Variants in C1orf198 observed in about 807,000 individuals in gnomAD.
C1orf198 encodes chromosome 1 open reading frame 198.
Under a neutral mutation model 31.4 loss-of-function variants are expected in C1orf198, and 17 were observed. That is an observed-to-expected ratio of 0.54 (90% CI 0.37 to 0.81). C1orf198 has a LOEUF of 0.81. Among genes scored for constraint, C1orf198 ranks in the 40% least tolerant of loss-of-function variants. The pLI, the probability that C1orf198 is intolerant of heterozygous loss-of-function variation, is 0.00. For synonymous variants in C1orf198, 175 were observed against 193.8 expected (o/e 0.90, Z 0.81); for missense variants, 401 against 450.3 (o/e 0.89, Z 0.99).
At chr1:230,867,225 G>A (rs1431179620) in intron 1 of C1orf198, among the ~76,000 whole-genome samples, 1 of 152,152 alleles carries the variant, frequency 6.6e-6, no homozygotes, top group African/African-American at 2.4e-5. Context: ...AGTTTGAAAC[G>A]CCAAAGAGTC....
chr1:230,844,821 A>G (rs979348273), intron 2 of C1orf198, among the ~76,000 whole-genome samples: 1 of 152,226 alleles, frequency 6.6e-6, no homozygotes, highest in Non-Finnish European at 1.5e-5. Flanking sequence ...CCCACATCTG[A>G]GCACCCACAA....
Position 230,843,415 on chromosome 1 carries a change from G to A in C1orf198, c.866C>T (p.Ser289Phe). The part of the protein sequence containing the change: ...APSQLEGKLP[S>F]PDVRQDDGED... ...CCCATCGTCCTGCCTGACATCAGGA[G>A]ATGGCAGCTTCCCCTCGAGCTGGGA... The change falls in exon 3 of 4, where the codon TCT becomes TTT. Residue 289 changes from serine (S) to phenylalanine (F), a missense_variant. Coordinates refer to ENST00000366663, the MANE Select transcript of C1orf198 (RefSeq NM_032800.3). This position sits in a 1 kb window ranked among gnomAD's most constrained non-coding sequence, Gnocchi z 4.9. 6.3e-7 allele frequency: 1 copy of A among 1,576,288 alleles called. No homozygotes were observed. Among genetic ancestry groups the A allele is most frequent in the Non-Finnish European group, 8.6e-7 (1 of 1,160,556 alleles).
At chr1:230,851,712 C>T (rs1669750249) in intron 2 of C1orf198, among the ~76,000 whole-genome samples, 1 of 152,218 alleles carries the variant, frequency 6.6e-6, no homozygotes, top group African/African-American at 2.4e-5. Flanking sequence ...GTAACAGAGG[C>T]ACCACAGCCA....
intron 2 of C1orf198, among the ~76,000 whole-genome samples, chr1:230,852,903 C>G (rs1669780554): frequency 6.6e-6 from 1 of 152,172 alleles, no homozygotes; most frequent in Non-Finnish European, 1.5e-5. Context: ...ATTTGACCAG[C>G]AGAACAGAGC....
chr1:230,841,898 T>C (rs1669453002), intron 3 of C1orf198, among the ~76,000 whole-genome samples: 1 of 152,176 alleles, frequency 6.6e-6, no homozygotes, highest in Admixed American at 6.6e-5. Context: ...CAAGTGTCTG[T>C]CGATGGATGA....
At chr1:230,862,081 C>T (rs1026992933) in intron 1 of C1orf198, among the ~76,000 whole-genome samples, 1 of 152,206 alleles carries the variant, frequency 6.6e-6, no homozygotes, top group Admixed American at 6.5e-5. Context: ...TGCCAGGTGG[C>T]CTGGCCATCT....
At chr1:230,865,376 C>T (rs1206386407) in intron 1 of C1orf198, among the ~76,000 whole-genome samples, 1 of 152,198 alleles carries the variant, frequency 6.6e-6, no homozygotes, top group Non-Finnish European at 1.5e-5. Context: ...GCTATACTTC[C>T]ATGCTTTTTT....
Position 230,843,921 on chromosome 1 carries a change from A to C in C1orf198, c.385-25T>G. On this transcript the variant is annotated intron_variant, in intron 2 of 3. Transcript: ENST00000366663. The surrounding 1 kb of genome is among the most constrained non-coding windows in gnomAD (Gnocchi z 4.9). ...TCTAGGGTGGGACATGAGAAAGGACAGAAAAAAGAAAGAGATCCTGAGAAT... is the reference window on the plus strand; with the variant it reads ...TCTAGGGTGGGACATGAGAAAGGACCGAAAAAAGAAAGAGATCCTGAGAAT... The C allele has an allele frequency of 6.7e-7, 1 of 1,496,044 alleles. No homozygotes were observed. Among genetic ancestry groups the C allele is most frequent in the East Asian group, 2.3e-5 (1 of 43,746 alleles). 92.7% of individuals were successfully genotyped at this position (1,496,044 alleles called of 1,614,324 possible).
At chr1:230,863,931 G>C (rs1209974188) in intron 1 of C1orf198, among the ~76,000 whole-genome samples, 3 of 152,092 alleles carry the variant, frequency 2.0e-5, no homozygotes, top group Non-Finnish European at 4.4e-5. Context: ...TGCTGAGAAA[G>C]CAACTCCCTA....
At chr1:230,863,692 C>A (rs1670048802) in intron 1 of C1orf198, among the ~76,000 whole-genome samples, 1 of 152,198 alleles carries the variant, frequency 6.6e-6, no homozygotes, top group African/African-American at 2.4e-5. Flanking sequence ...CTACTCAGGG[C>A]AGAGAACCCA....
intron 2 of C1orf198, among the ~76,000 whole-genome samples, chr1:230,849,367 C>G (rs895372207): frequency 6.6e-6 from 1 of 152,122 alleles, no homozygotes; most frequent in Admixed American, 6.5e-5. Context: ...AGACAGAAAG[C>G]CGGGGTTTGG....
In C1orf198 at chr1:230,868,379, T is replaced by C; in HGVS notation, c.134A>G (p.Gln45Arg). 6.3e-7 allele frequency: 1 copy of C among 1,599,294 alleles called. No individual in the cohort carries two copies. The highest frequency in any genetic ancestry group is 1.4e-5 in the African/African-American group (1 of 72,706). The change falls in exon 1 of 4, where the codon CAG becomes CGG. Residue 45 changes from glutamine (Q) to arginine (R), a missense_variant. By Grantham distance (43) the Gln-to-Arg change is conservative (BLOSUM62 1). Coordinates refer to ENST00000366663, the MANE Select transcript of C1orf198 (RefSeq NM_032800.3). ...CTTCTCGCGGATCTTCTCCTTGTCCTGCATGATCTTCCTGGCCATGGGGCT... is the reference window on the plus strand; with the variant it reads ...CTTCTCGCGGATCTTCTCCTTGTCCCGCATGATCTTCCTGGCCATGGGGCT... ...SLSPMARKIM[Q>R]DKEKIREKYG...
chr1:230,848,318 C>T (rs1026379721), intron 2 of C1orf198, among the ~76,000 whole-genome samples: 4 of 152,154 alleles, frequency 2.6e-5, no homozygotes, highest in East Asian at 1.9e-4. Flanking sequence ...TTGCAAATAA[C>T]GTATAACTAC....
chr1:230,843,283 G>T lies in C1orf198; in HGVS notation c.927+71C>A. The T allele has an allele frequency of 1.3e-6, 2 of 1,498,158 alleles. No individual in the cohort carries two copies. Among genetic ancestry groups the T allele is most frequent in the Non-Finnish European group, 1.8e-6 (2 of 1,113,998 alleles). 92.8% of individuals were successfully genotyped at this position (1,498,158 alleles called of 1,614,324 possible). On this transcript the variant is annotated intron_variant, in intron 3 of 3. Coordinates refer to ENST00000366663, the MANE Select transcript of C1orf198 (RefSeq NM_032800.3). The surrounding 1 kb of genome is among the most constrained non-coding windows in gnomAD (Gnocchi z 4.9). ...GGCACCTGTGGCCTGCCTGCTTTGT[G>T]GGGGACCCTCTCGGTTCCCGTGGAA...
chr1:230,862,397 C>CTTACGT lies in C1orf198; in HGVS notation c.333+5777_333+5782dup, dbSNP rs1232469611. On this transcript the variant is annotated intron_variant, in intron 1 of 3. Coordinates refer to ENST00000366663, the MANE Select transcript of C1orf198 (RefSeq NM_032800.3). The stretch of plus-strand genomic sequence containing the variant: ...GGCATTTACCCAGATGAACTGAAGA[C>CTTACGT]TTACGTCCACACAAAAAACCTACAC... Among the ~76,000 whole-genome samples the CTTACGT allele has an allele frequency of 3.3e-5, 5 of 152,298 alleles. No individual in the cohort carries two copies. In the East Asian group the frequency reaches 9.6e-4, roughly 29 times the overall value.
chr1:230,839,582 G>A lies in C1orf198; in HGVS notation c.*270C>T, dbSNP rs1160947405. ...AAGTTGGGTGGAGCTGGGAACAGAAGTTTTATTTACAAGATCTCCTGAATT... is the reference window on the plus strand; with the variant it reads ...AAGTTGGGTGGAGCTGGGAACAGAAATTTTATTTACAAGATCTCCTGAATT... On this transcript the variant is annotated 3_prime_UTR_variant, in exon 4 of 4. Coordinates refer to ENST00000366663, the MANE Select transcript of C1orf198 (RefSeq NM_032800.3). 2 of 359,758 alleles carry A rather than the reference G, an allele frequency of 5.6e-6. No individual in the cohort carries two copies. The highest frequency in any genetic ancestry group is 9.8e-6 in the Non-Finnish European group (2 of 203,152). The allele number at this position is 359,758 out of a possible 1,614,324, so 22.3% of individuals were successfully genotyped here.
rs6672533 is a variant in C1orf198, at chr1:230,843,909, A to G, written c.385-13T>C. The stretch of plus-strand genomic sequence containing the variant: ...ACTCCATCTGACTCTAGGGTGGGAC[A>G]TGAGAAAGGACAGAAAAAAGAAAGA... On this transcript the variant is annotated splice_polypyrimidine_tract_variant and intron_variant, in intron 2 of 3. Transcript: ENST00000366663. The surrounding 1 kb of genome is among the most constrained non-coding windows in gnomAD (Gnocchi z 4.9). The G allele has an allele frequency of 0.016, 23,310 of 1,500,914 alleles. 2,729 individuals are homozygous for G. In the African/African-American group the frequency reaches 0.27, roughly 17 times the overall value. 93.0% of individuals were successfully genotyped at this position (1,500,914 alleles called of 1,614,324 possible).
At chr1:230,846,846 G>A (rs549170000) in intron 2 of C1orf198, among the ~76,000 whole-genome samples, 2 of 152,126 alleles carry the variant, frequency 1.3e-5, no homozygotes, top group African/African-American at 4.8e-5. Flanking sequence ...GCTCACGCCT[G>A]TAATCCCAGC....
At chr1:230,862,172 C>T (rs1670018789) in intron 1 of C1orf198, among the ~76,000 whole-genome samples, 1 of 152,180 alleles carries the variant, frequency 6.6e-6, no homozygotes, top group Admixed American at 6.5e-5. Flanking sequence ...AGAGCCTGTC[C>T]TGTGGATCAA....
Sources: gnomAD v4.1 joint callset for allele counts (sites outside exome capture counted in the v4.1 genomes callset) on GRCh38, gnomAD v4.1.1 for gene constraint, Gnocchi (gnomAD v3.1) non-coding constraint, MANE v1.5 for transcripts, NCBI Gene and HGNC (gene_info 2026-07-23, HGNC 2026-07-21) for gene names.